The following CTNNA2 variants were observed in gnomAD, a reference collection of about 807,000 sequenced individuals.
CTNNA2 encodes the protein catenin alpha-2.
A neutral mutation model predicts 101.0 loss-of-function variants in CTNNA2; 42 were observed. That is an observed-to-expected ratio of 0.42 (90% CI 0.32 to 0.54). CTNNA2 has a LOEUF of 0.54. Ranked by LOEUF, CTNNA2 falls within the 20% of genes least tolerant of loss-of-function variation. CTNNA2 has a pLI of 0.14. For synonymous variants in CTNNA2, 450 were observed against 456.4 expected (o/e 0.99, Z 0.18); for missense variants, 871 against 1,223.1 (o/e 0.71, Z 4.29).
intron 4 of CTNNA2, among the ~76,000 whole-genome samples, chr2:79,412,628 C>A (rs1573154118): frequency 6.6e-6 from 1 of 151,970 alleles, no homozygotes; most frequent in East Asian, 1.9e-4. Flanking sequence ...AACTGAACAA[C>A]CTGCTCCTGA....
In CTNNA2 at chr2:79,874,195, T is replaced by G. The variant is rs61291641; in HGVS notation, c.705T>G (p.Ala235=). Residue 235 remains alanine (A), a synonymous_variant, in exon 6 of 19, where the codon GCT becomes GCG. Coordinates refer to ENST00000402739, the MANE Select transcript of CTNNA2 (RefSeq NM_001282597.3). The stretch of plus-strand genomic sequence containing the variant: ...TTCTCCGCCACCCAGATGTCGCCGC[T>G]ACGAGAGCCAACCGAGATTATGTGT... ...QAFLRHPDVA[A]TRANRDYVFK... 0.12 allele frequency: 190,717 copies of G among 1,613,916 alleles called. 20,847 individuals are homozygous for G. The highest frequency in any genetic ancestry group is 0.46 in the East Asian group (20,452 of 44,798).
At chr2:79,360,644 G>A (rs1399235715) in intron 3 of CTNNA2, among the ~76,000 whole-genome samples, 2 of 152,190 alleles carry the variant, frequency 1.3e-5, no homozygotes, top group East Asian at 1.9e-4. Context: ...CAGGCATAGA[G>A]CTGATTAAGG....
intron 9 of CTNNA2, among the ~76,000 whole-genome samples, chr2:80,456,549 C>T (rs2149464923): frequency 6.6e-6 from 1 of 152,312 alleles, no homozygotes; most frequent in South Asian, 2.1e-4. Context: ...GATTATGTCA[C>T]CACCATACAA....
chr2:80,015,491 A>G (rs1394092598), intron 7 of CTNNA2, among the ~76,000 whole-genome samples: 3 of 152,134 alleles, frequency 2.0e-5, no homozygotes, highest in Non-Finnish European at 4.4e-5. Flanking sequence ...GTCTCCAATT[A>G]CAGTTGTTTC....
chr2:80,061,039 C>T (rs1697566916), intron 7 of CTNNA2, among the ~76,000 whole-genome samples: 1 of 152,174 alleles, frequency 6.6e-6, no homozygotes, highest in Non-Finnish European at 1.5e-5. Context: ...AGCTCTCCCT[C>T]TGCCCAACCC....
intron 9 of CTNNA2, among the ~76,000 whole-genome samples, chr2:80,530,541 G>T (rs900029328): frequency 1.3e-5 from 2 of 152,192 alleles, no homozygotes; most frequent in Non-Finnish European, 2.9e-5. Flanking sequence ...AGTGACATTA[G>T]ATAGCCAGGA....
At chr2:79,625,524 A>G (rs915797340) in intron 1 of CTNNA2, among the ~76,000 whole-genome samples, 2 of 152,196 alleles carry the variant, frequency 1.3e-5, no homozygotes, top group African/African-American at 4.8e-5. Flanking sequence ...ACATGTTTGT[A>G]TGCCTCGCAT....
intron 6 of CTNNA2, among the ~76,000 whole-genome samples, chr2:79,887,686 A>C (rs1683985868): frequency 6.6e-6 from 1 of 152,202 alleles, no homozygotes; most frequent in Non-Finnish European, 1.5e-5. Context: ...TAAAAAAGAA[A>C]AAAACAACTT....
intron 7 of CTNNA2, among the ~76,000 whole-genome samples, chr2:80,276,416 C>T (rs887718873): frequency 5.9e-5 from 9 of 152,302 alleles, no homozygotes; most frequent in African/African-American, 2.2e-4. Context: ...TAACCCAGTT[C>T]TGACACTACC....
At chr2:79,456,856 A>G (rs1454431687) in intron 4 of CTNNA2, among the ~76,000 whole-genome samples, 1 of 152,202 alleles carries the variant, frequency 6.6e-6, no homozygotes, top group Non-Finnish European at 1.5e-5. Flanking sequence ...CAATTCAAGT[A>G]TATGTGTTAG....
chr2:79,590,034 G>C (rs1286045091), intron 1 of CTNNA2, among the ~76,000 whole-genome samples: 1 of 152,140 alleles, frequency 6.6e-6, no homozygotes, highest in African/African-American at 2.4e-5. Context: ...CGTTTCACAT[G>C]GTTTTTCCAG....
chr2:79,918,681 AG>A (rs1347101447), intron 7 of CTNNA2, among the ~76,000 whole-genome samples: 2 of 152,196 alleles, frequency 1.3e-5, no homozygotes, highest in Non-Finnish European at 2.9e-5. Flanking sequence ...TGTATTTTAA[AG>A]GCATTTTGGG....
At chr2:80,146,695 A>T (rs1349526450) in intron 7 of CTNNA2, among the ~76,000 whole-genome samples, 3 of 133,558 alleles carry the variant, frequency 2.2e-5, no homozygotes, top group Non-Finnish European at 4.8e-5. Flanking sequence ...TTTCTGAAGT[A>T]GGAAGTCCCC....
intron 7 of CTNNA2, among the ~76,000 whole-genome samples, chr2:80,207,943 G>A (rs1333063526): frequency 6.6e-6 from 1 of 152,092 alleles, no homozygotes; most frequent in Non-Finnish European, 1.5e-5. Context: ...GAAGGGTGGA[G>A]TCACAGGAAA....
chr2:80,330,263 A>T (rs1671200057), intron 7 of CTNNA2, among the ~76,000 whole-genome samples: 1 of 152,244 alleles, frequency 6.6e-6, no homozygotes, highest in South Asian at 2.1e-4. Flanking sequence ...TTTAAAGTGG[A>T]TCTACTTAAC....
At chr2:79,409,754 T>G (rs1678386205) in intron 4 of CTNNA2, among the ~76,000 whole-genome samples, 2 of 148,308 alleles carry the variant, frequency 1.3e-5, no homozygotes. Flanking sequence ...GCTTTGTTCT[T>G]TTGGCTTAGG....
intron 15 of CTNNA2, among the ~76,000 whole-genome samples, chr2:80,597,632 A>G (rs2149757894): frequency 6.6e-6 from 1 of 152,306 alleles, no homozygotes; most frequent in East Asian, 1.9e-4. Flanking sequence ...TTACAAGAAA[A>G]AAAACACCAC....
At chr2:80,079,489 C>A (rs1449021668) in intron 7 of CTNNA2, among the ~76,000 whole-genome samples, 1 of 152,092 alleles carries the variant, frequency 6.6e-6, no homozygotes, top group African/African-American at 2.4e-5. Flanking sequence ...ATAGCCCTGC[C>A]TCTAGGAGCT....
chr2:80,367,735 A>T (rs1031329532), intron 7 of CTNNA2, among the ~76,000 whole-genome samples: 20 of 152,184 alleles, frequency 1.3e-4, no homozygotes, highest in Non-Finnish European at 1.0e-4. Flanking sequence ...TGCAGTTTTT[A>T]AAAAAAGAGG....
Sources: allele counts gnomAD v4.1 joint callset (sites outside exome capture counted in the v4.1 genomes callset), GRCh38; gene constraint gnomAD v4.1.1; transcripts MANE v1.5; gene names NCBI Gene and HGNC (gene_info 2026-07-23, HGNC 2026-07-21).